Variants in CELSR3 observed in about 807,000 individuals in gnomAD.
The protein encoded by CELSR3 is EGF-like protein 1.
Under a neutral mutation model 270.0 loss-of-function variants are expected in CELSR3, and 73 were observed. The observed-to-expected ratio is 0.27, with a 90% CI of 0.22 to 0.33. CELSR3 has a LOEUF of 0.33. Among genes scored for constraint, CELSR3 ranks in the 10% least tolerant of loss-of-function variants. The pLI, the probability that CELSR3 is intolerant of heterozygous loss-of-function variation, is 1.00. For synonymous variants in CELSR3, 1,780 were observed against 1,905.4 expected, an observed-to-expected ratio of 0.93 and a Z score of 1.71; for missense variants, 3,614 against 4,533.8, an observed-to-expected ratio of 0.80 and a Z score of 5.83.
rs1401397668 is a variant in CELSR3, at chr3:48,651,594, C to T, written c.6048G>A (p.Gly2016=). ...YTCDCVGGYF[G]HHCEHRMDQQ... is the part of the protein sequence containing the mutation. ...CCTCTTACCTGTGCTCACAGTGGTG[C>T]CCGAAATAGCCACCCACACAGTCAC... Residue 2016 remains glycine (G), a synonymous_variant, in exon 13 of 35, where the codon GGG becomes GGA. Coordinates refer to ENST00000164024, the MANE Select transcript of CELSR3 (RefSeq NM_001407.3). The surrounding 1 kb of genome is among the most constrained non-coding windows in gnomAD (Gnocchi z 7.4). 6.3e-7 allele frequency: 1 copy of T among 1,574,902 alleles called. No individual in the cohort carries two copies. The highest frequency in any genetic ancestry group is 1.3e-5 in the African/African-American group (1 of 74,082).
rs1320419277 is a variant in CELSR3, at chr3:48,662,604, G to C, written c.31C>G (p.Leu11Val). Residue 11 changes from leucine (L) to valine (V), a missense_variant, in exon 1 of 35, where the codon CTC becomes GTC. By Grantham distance (32) the Leu-to-Val change is conservative (BLOSUM62 1). This residue lies in a region of CELSR3 where 470 missense variants were observed against 469.7 expected (regional missense o/e 1.00). Coordinates refer to ENST00000164024, the MANE Select transcript of CELSR3 (RefSeq NM_001407.3). This position sits in a 1 kb window ranked among gnomAD's most constrained non-coding sequence, Gnocchi z 7.1. MMARRPPWRG[L>V]GGRSTPILLL... is the part of the protein sequence containing the mutation. ...AGTATGGGGGTCGACCGTCCCCCGA[G>C]GCCCCGCCACGGCGGCCGCCTCGCC... 2.1e-6 allele frequency: 3 copies of C among 1,458,650 alleles called. No homozygotes were observed. The highest frequency in any genetic ancestry group is 2.5e-5 in the East Asian group (1 of 40,736). The allele number at this position is 1,458,650 out of a possible 1,614,324, so 90.4% of individuals were successfully genotyped here. A position where few individuals can be genotyped will look rare whatever the true frequency, so the allele number is the denominator to read the frequency against.
At chr3:48,643,861 C>A in intron 27 of CELSR3, 184 bp from the exon 28 acceptor site, 1 of 678,384 alleles carries the variant, frequency 1.5e-6, no homozygotes, top group Non-Finnish European at 2.4e-6. Context: ...AACAGGAGAG[C>A]AGTCAAAGAG....
At position 48,638,142 on chromosome 3, in the gene CELSR3, T is replaced by TGGGG; in HGVS notation, c.*62_*63insCCCC. On this transcript the variant is annotated 3_prime_UTR_variant, in exon 35 of 35. Coordinates refer to ENST00000164024, the MANE Select transcript of CELSR3 (RefSeq NM_001407.3). ...TTGGGATCTGCCCCCACTCCTGGAG[T>TGGGG]CTCTCCTGTTAGCCTAGATCCTCTG... 3 of 1,473,250 alleles carry TGGGG rather than the reference T, an allele frequency of 2.0e-6. No individual in the cohort carries two copies. Among genetic ancestry groups the TGGGG allele is most frequent in the Non-Finnish European group, 2.8e-6 (3 of 1,053,514 alleles). 91.3% of individuals were successfully genotyped at this position (1,473,250 alleles called of 1,614,324 possible).
chr3:48,657,364 G>C lies in CELSR3; in HGVS notation c.3749-16C>G. 1 of 1,565,242 alleles carries C rather than the reference G, an allele frequency of 6.4e-7. No homozygotes were observed. The highest frequency in any genetic ancestry group is 8.7e-7 in the Non-Finnish European group (1 of 1,155,948). Reference sequence around the variant, plus strand: ...TGCAGGCCATCTGCAGGCGGGGGCAGGGGCAGTGGTCATCCTGGGGACAGT... The same window carrying C: ...TGCAGGCCATCTGCAGGCGGGGGCACGGGCAGTGGTCATCCTGGGGACAGT... On this transcript the variant is annotated splice_polypyrimidine_tract_variant and intron_variant, in intron 1 of 34. Coordinates refer to ENST00000164024, the MANE Select transcript of CELSR3 (RefSeq NM_001407.3). This position sits in a 1 kb window ranked among gnomAD's most constrained non-coding sequence, Gnocchi z 5.4.
chr3:48,659,399 T>C lies in CELSR3; in HGVS notation c.3236A>G (p.Asn1079Ser). 1 of 1,614,196 alleles carries C rather than the reference T, an allele frequency of 6.2e-7. No individual in the cohort carries two copies. Reference protein sequence around the residue: ...AEEFEVRVKENSIVGSVVAQI... With the variant: ...AEEFEVRVKESSIVGSVVAQI... The stretch of plus-strand genomic sequence containing the variant: ...GGCCACCACTGAGCCCACAATGCTA[T>C]TCTCTTTCACCCGCACCTCAAACTC... The change falls in exon 1 of 35, where the codon AAT becomes AGT. Residue 1079 changes from asparagine to serine, a missense_variant. By Grantham distance (46) the Asn-to-Ser change is conservative. Coordinates refer to ENST00000164024, the MANE Select transcript of CELSR3 (RefSeq NM_001407.3). The surrounding 1 kb of genome is among the most constrained non-coding windows in gnomAD (Gnocchi z 8.1).
Position 48,659,665 on chromosome 3 carries a change from A to G in CELSR3, c.2970T>C (p.Ala990=). The G allele has an allele frequency of 6.2e-7, 1 of 1,614,220 alleles. No individual in the cohort carries two copies. The highest frequency in any genetic ancestry group is 8.5e-7 in the Non-Finnish European group (1 of 1,180,048). Residue 990 remains alanine, a synonymous_variant, in exon 1 of 35, where the codon GCT becomes GCC. Coordinates refer to ENST00000164024, the MANE Select transcript of CELSR3 (RefSeq NM_001407.3). This position sits in a 1 kb window ranked among gnomAD's most constrained non-coding sequence, Gnocchi z 8.1. Reference sequence around the variant, plus strand: ...TGTACTGGACCCGGCCATTGGCATGAGCATCCCGGTCAGTGGCTGAGATCT... The same window carrying G: ...TGTACTGGACCCGGCCATTGGCATGGGCATCCCGGTCAGTGGCTGAGATCT... The part of the protein sequence containing the change: ...VLQISATDRD[A]HANGRVQYTF...
Position 48,657,429 on chromosome 3 carries a change from G to C in CELSR3, c.3749-81C>G, listed in dbSNP as rs2077032881. The stretch of plus-strand genomic sequence containing the variant: ...GGGACACAAGAGGGCTGGGGCCAGC[G>C]ATAGCCTAGGCCCCCAGAACCTCTA... On this transcript the variant is annotated intron_variant, in intron 1 of 34. Coordinates refer to ENST00000164024, the MANE Select transcript of CELSR3 (RefSeq NM_001407.3). This position sits in a 1 kb window ranked among gnomAD's most constrained non-coding sequence, Gnocchi z 5.4. 2.1e-6 allele frequency: 3 copies of C among 1,396,784 alleles called. No individual in the cohort carries two copies. The highest frequency in any genetic ancestry group is 1.4e-5 in the African/African-American group (1 of 69,226). 86.5% of individuals were successfully genotyped at this position (1,396,784 alleles called of 1,614,324 possible). A position where few individuals can be genotyped will look rare whatever the true frequency, so the allele number is the denominator to read the frequency against.
Position 48,654,007 on chromosome 3 carries a change from G to A in CELSR3, c.5153-4C>T. The A allele has an allele frequency of 6.2e-7, 1 of 1,612,212 alleles. No individual in the cohort carries two copies. Among genetic ancestry groups the A allele is most frequent in the Non-Finnish European group, 8.5e-7 (1 of 1,179,226 alleles). On this transcript the variant is annotated splice_polypyrimidine_tract_variant and splice_region_variant and intron_variant, in intron 7 of 34. Coordinates refer to ENST00000164024, the MANE Select transcript of CELSR3 (RefSeq NM_001407.3). The surrounding 1 kb of genome is among the most constrained non-coding windows in gnomAD (Gnocchi z 5.4). ...AAGTGTAGCTTGGCTTGGCAGCCTGGGAGAGGAAAGCACATGGCGGACATG... is the reference window on the plus strand; with the variant it reads ...AAGTGTAGCTTGGCTTGGCAGCCTGAGAGAGGAAAGCACATGGCGGACATG...
Position 48,653,867 on chromosome 3 carries a change from T to C in CELSR3, c.5278+11A>G. 6.2e-7 allele frequency: 1 copy of C among 1,613,462 alleles called. No individual in the cohort carries two copies. The highest frequency in any genetic ancestry group is 8.5e-7 in the Non-Finnish European group (1 of 1,179,528). On this transcript the variant is annotated intron_variant, in intron 8 of 34. Transcript: ENST00000164024. This position sits in a 1 kb window ranked among gnomAD's most constrained non-coding sequence, Gnocchi z 6.5. ...CCCTGCAGGCCCCTCTGCCCCATGC[T>C]GCCCACTTACTAAGCTGACAGTCTT... is the stretch of plus-strand genomic sequence containing the variant.
In CELSR3 at chr3:48,646,938, GAGA is replaced by G; in HGVS notation, c.7130-13_7130-11del. On this transcript the variant is annotated splice_polypyrimidine_tract_variant and intron_variant, in intron 20 of 34. Transcript: ENST00000164024. The surrounding 1 kb of genome is among the most constrained non-coding windows in gnomAD (Gnocchi z 4.8). Reference sequence around the variant, plus strand: ...CTGCTTGTGGGCAGAACTGCCAGGAGAGAAGGAGGAGCTTCTGTCAGTGACCTT... The same window carrying G: ...CTGCTTGTGGGCAGAACTGCCAGGAGAGGAGGAGCTTCTGTCAGTGACCTT... 2.0e-6 allele frequency: 3 copies of G among 1,511,976 alleles called. No individual in the cohort carries two copies. Among genetic ancestry groups the G allele is most frequent in the Non-Finnish European group, 1.8e-6 (2 of 1,134,012 alleles). 93.7% of individuals were successfully genotyped at this position (1,511,976 alleles called of 1,614,324 possible).
chr3:48,646,749 A>C lies in CELSR3; in HGVS notation c.7295+14T>G, dbSNP rs1559477768. On this transcript the variant is annotated intron_variant, in intron 21 of 34. Coordinates refer to ENST00000164024, the MANE Select transcript of CELSR3 (RefSeq NM_001407.3). The surrounding 1 kb of genome is among the most constrained non-coding windows in gnomAD (Gnocchi z 4.8). The stretch of plus-strand genomic sequence containing the variant: ...GAAGTTCGTAGGAAGCTCAGGGGTG[A>C]GGGGCCTGAGTACCTGGCACCTCGG... The C allele has an allele frequency of 6.2e-7, 1 of 1,605,728 alleles. No homozygotes were observed. Among genetic ancestry groups the C allele is most frequent in the Non-Finnish European group, 8.5e-7 (1 of 1,177,348 alleles).
At position 48,651,750 on chromosome 3, in the gene CELSR3, G is replaced by A. The variant is rs748909067; in HGVS notation, c.5924-32C>T. 6.5e-7 allele frequency: 1 copy of A among 1,534,060 alleles called. No individual in the cohort carries two copies. The highest frequency in any genetic ancestry group is 2.3e-5 in the East Asian group (1 of 44,236). ...ATTGGGTCAGAAAGCTCAGGATCCT[G>A]GTCGCAGAGCATGGAAGGAAGCAGG... On this transcript the variant is annotated intron_variant, in intron 12 of 34. Transcript: ENST00000164024. The surrounding 1 kb of genome is among the most constrained non-coding windows in gnomAD (Gnocchi z 7.4).
intron 18 of CELSR3, 85 bp downstream of exon 18, chr3:48,648,634 C>A: frequency 6.7e-7 from 1 of 1,490,512 alleles, no homozygotes; most frequent in Non-Finnish European, 9.1e-7. Context: ...CCCAAGAGAA[C>A]AGCAGGAGCC....
chr3:48,661,659 G>A lies in CELSR3; in HGVS notation c.976C>T (p.Pro326Ser), dbSNP rs771585065. ...RRAANRHPQF[P>S]QYNYQTLVPE... is the part of the protein sequence containing the mutation. The stretch of plus-strand genomic sequence containing the variant: ...ACCAGCGTCTGGTAGTTGTACTGCG[G>A]AAACTGCGGGTGGCGGTTTGCGGCG... The change falls in exon 1 of 35, where the codon CCG becomes TCG. Residue 326 changes from proline (P) to serine (S), a missense_variant. Physicochemically the swap from Pro to Ser is moderately conservative, Grantham distance 74 (BLOSUM62 -1). Coordinates refer to ENST00000164024, the MANE Select transcript of CELSR3 (RefSeq NM_001407.3). 1.3e-6 allele frequency: 2 copies of A among 1,589,210 alleles called. No individual in the cohort carries two copies. The highest frequency in any genetic ancestry group is 2.7e-5 in the African/African-American group (2 of 73,802).
Position 48,639,035 on chromosome 3 carries a change from C to A in CELSR3, c.9911+639G>T, listed in dbSNP as rs150547657. On this transcript the variant is annotated intron_variant, in intron 34 of 34. Transcript: ENST00000164024. The surrounding 1 kb of genome is among the most constrained non-coding windows in gnomAD (Gnocchi z 4.1). ...CCTCCCCACTCCCACCAGTCCCTCT[C>A]GGACTCCTGTGTATCCAGCTATTTC... Among the ~76,000 whole-genome samples, 58 of 152,180 alleles carry A rather than the reference C, an allele frequency of 3.8e-4. No individual in the cohort carries two copies. Among genetic ancestry groups the A allele is most frequent in the African/African-American group, 1.3e-3 (52 of 41,498 alleles).
Position 48,641,164 on chromosome 3 carries a change from C to T in CELSR3, c.9025+160G>A. ...GAGAATTCCCAGGTCAGGACAGGAG[C>T]AGTCCCTGAGGACCGTGAAGCAGGC... On this transcript the variant is annotated intron_variant, in intron 33 of 34. Coordinates refer to ENST00000164024, the MANE Select transcript of CELSR3 (RefSeq NM_001407.3). The surrounding 1 kb of genome is among the most constrained non-coding windows in gnomAD (Gnocchi z 4.8). The T allele has an allele frequency of 1.6e-6, 1 of 622,876 alleles. No individual in the cohort carries two copies. The highest frequency in any genetic ancestry group is 2.9e-6 in the Non-Finnish European group (1 of 345,938). 38.6% of individuals were successfully genotyped at this position (622,876 alleles called of 1,614,324 possible). A position where few individuals can be genotyped will look rare whatever the true frequency, so the allele number is the denominator to read the frequency against.
At position 48,655,902 on chromosome 3, in the gene CELSR3, ACCAC is replaced by A; in HGVS notation, c.4626-55_4626-52del. 2 of 1,350,812 alleles carry A rather than the reference ACCAC, an allele frequency of 1.5e-6. No homozygotes were observed. The highest frequency in any genetic ancestry group is 2.1e-6 in the Non-Finnish European group (2 of 964,778). The allele number at this position is 1,350,812 out of a possible 1,614,324, so 83.7% of individuals were successfully genotyped here. ...GGGGTGGGAGCGTCAGGAGCAGGGTACCACTTCACACCCACCATCCCTGCGAGGA... is the reference window on the plus strand; with the variant it reads ...GGGGTGGGAGCGTCAGGAGCAGGGTATTCACACCCACCATCCCTGCGAGGA... On this transcript the variant is annotated intron_variant, in intron 3 of 34. Transcript: ENST00000164024. The surrounding 1 kb of genome is among the most constrained non-coding windows in gnomAD (Gnocchi z 5.8).
chr3:48,648,249 C>CCCCACCCCCAAA lies in CELSR3; in HGVS notation c.6973+16_6973+17insTTTGGGGGTGGG. 1.4e-6 allele frequency: 1 copy of CCCCACCCCCAAA among 728,358 alleles called. No individual in the cohort carries two copies. Among genetic ancestry groups the CCCCACCCCCAAA allele is most frequent in the Non-Finnish European group, 2.3e-6 (1 of 433,736 alleles). The allele number at this position is 728,358 out of a possible 1,614,324, so 45.1% of individuals were successfully genotyped here. Reference sequence around the variant, plus strand: ...GGCCCCCCTGCTGTGCCCCGCCCTACCCCACCCACAACGCACTGATATTAG... The same window carrying CCCCACCCCCAAA: ...GGCCCCCCTGCTGTGCCCCGCCCTACCCCACCCCCAAACCCACCCACAACGCACTGATATTAG... On this transcript the variant is annotated intron_variant, in intron 19 of 34. Transcript: ENST00000164024.
intron 3 of CELSR3, 98 bp downstream of exon 3, chr3:48,656,042 G>T: frequency 7.6e-7 from 1 of 1,324,180 alleles, no homozygotes; most frequent in Non-Finnish European, 1.0e-6. Flanking sequence ...GAGGGGCGGT[G>T]TCTCATGGGG....
Sources: gnomAD v4.1 joint callset for allele counts (sites outside exome capture counted in the v4.1 genomes callset) on GRCh38, gnomAD v4.1.1 for gene constraint, gnomAD v4.1.1 regional missense constraint, Gnocchi (gnomAD v3.1) non-coding constraint, MANE v1.5 for transcripts, NCBI Gene and HGNC (gene_info 2026-07-23, HGNC 2026-07-21) for gene names.